Variants in DOK6 observed in about 807,000 individuals in gnomAD.
DOK6 encodes the protein docking protein 6.
DOK6 carries 22 observed loss-of-function variants against 44.0 expected under a neutral mutation model. The ratio of observed to expected loss-of-function variants is 0.50; its 90% CI spans 0.36 to 0.71. The LOEUF (loss-of-function observed/expected upper bound fraction) is 0.71, where lower values mean the gene tolerates loss of function less well. Among genes scored for constraint, DOK6 ranks in the 30% least tolerant of loss-of-function variants. The pLI, the probability that DOK6 is intolerant of heterozygous loss-of-function variation, is 0.00. For missense variants in DOK6, 340 were observed against 416.4 expected (o/e 0.82, Z 1.60); for synonymous variants, 166 against 145.5 (o/e 1.14, Z -1.01).
At chr18:69,700,206 C>CATATATATAAATATAT in intron 5 of DOK6, among the ~76,000 whole-genome samples, 1 of 72,138 alleles carries the variant, frequency 1.4e-5, no homozygotes, top group East Asian at 1.1e-3. Context: ...GTTAGTTTTA[C>CATATATATAAATATAT]ATATATATAC....
chr18:69,639,081 T>C (rs113284890), intron 3 of DOK6, among the ~76,000 whole-genome samples: 1 of 152,168 alleles, frequency 6.6e-6, no homozygotes, highest in Non-Finnish European at 1.5e-5. Context: ...AAATCTCAAA[T>C]TATGTGTTCT....
chr18:69,618,567 T>C (rs543878409), intron 3 of DOK6: 3 of 155,014 alleles, frequency 1.9e-5, no homozygotes, highest in African/African-American at 4.8e-5. Flanking sequence ...TGGAGAGGCC[T>C]CAAAATCATG....
At chr18:69,665,470 AG>A (rs1985632664) in intron 3 of DOK6, among the ~76,000 whole-genome samples, 1 of 152,156 alleles carries the variant, frequency 6.6e-6, no homozygotes, top group African/African-American at 2.4e-5. Flanking sequence ...TTATTTGATT[AG>A]GTAGTAATTT....
intron 5 of DOK6, among the ~76,000 whole-genome samples, chr18:69,708,086 G>A (rs1986675416): frequency 6.6e-6 from 1 of 152,104 alleles, no homozygotes; most frequent in Non-Finnish European, 1.5e-5. Context: ...GTCAGATAAA[G>A]CTCAAAACCA....
chr18:69,548,175 G>C (rs895645734), intron 1 of DOK6, among the ~76,000 whole-genome samples: 1 of 150,598 alleles, frequency 6.6e-6, no homozygotes, highest in Non-Finnish European at 1.5e-5. Context: ...GGATGGTCTC[G>C]ATCTCCTGAC....
At chr18:69,676,061 CCT>C (rs1435696240) in intron 3 of DOK6, among the ~76,000 whole-genome samples, 44 of 152,320 alleles carry the variant, frequency 2.9e-4, no homozygotes, top group African/African-American at 1.1e-3. Context: ...TAATCCCAGG[CCT>C]CTGACTCCAC....
chr18:69,518,619 T>C (rs1981600081), intron 1 of DOK6, among the ~76,000 whole-genome samples: 2 of 152,168 alleles, frequency 1.3e-5, no homozygotes, highest in South Asian at 2.1e-4. Context: ...AGATGGTAAC[T>C]GTGGGATATG....
At chr18:69,540,317 T>C (rs992123928) in intron 1 of DOK6, among the ~76,000 whole-genome samples, 1 of 152,246 alleles carries the variant, frequency 6.6e-6, no homozygotes, top group African/African-American at 2.4e-5. Flanking sequence ...GCCATTGCCA[T>C]ACTGTTTTAA....
chr18:69,569,853 A>T (rs934569000), intron 2 of DOK6, among the ~76,000 whole-genome samples: 2 of 152,174 alleles, frequency 1.3e-5, no homozygotes, highest in African/African-American at 4.8e-5. Flanking sequence ...GTACATATGG[A>T]TACTATGTGG....
At chr18:69,714,719 G>T (rs1004286778) in intron 5 of DOK6, among the ~76,000 whole-genome samples, 2 of 152,162 alleles carry the variant, frequency 1.3e-5, no homozygotes, top group Non-Finnish European at 2.9e-5. Context: ...AAAGAATTTA[G>T]AAGGAAATTT....
chr18:69,700,208 TATATATAC>T (rs1388671416), intron 5 of DOK6, among the ~76,000 whole-genome samples: 6 of 124,262 alleles, frequency 4.8e-5, no homozygotes, highest in Non-Finnish European at 8.5e-5. Flanking sequence ...TAGTTTTACA[TATATATAC>T]ATATATATAT....
intron 7 of DOK6, among the ~76,000 whole-genome samples, chr18:69,811,401 C>T (rs1458149218): frequency 6.6e-6 from 1 of 151,380 alleles, no homozygotes; most frequent in Non-Finnish European, 1.5e-5. Context: ...AACATGATAA[C>T]TATAGTTAAT....
intron 1 of DOK6, among the ~76,000 whole-genome samples, chr18:69,455,251 A>G (rs1050840332): frequency 2.0e-5 from 3 of 152,048 alleles, no homozygotes; most frequent in Admixed American, 2.0e-4. Flanking sequence ...ACAGAACATC[A>G]TGAAAGAAAG....
chr18:69,551,669 G>A (rs1982569054), intron 1 of DOK6, among the ~76,000 whole-genome samples: 1 of 152,106 alleles, frequency 6.6e-6, no homozygotes, highest in Non-Finnish European at 1.5e-5. Flanking sequence ...TCAAAGTAAT[G>A]GAAAGTCTTC....
At chr18:69,807,054 T>C (rs1295088983) in intron 7 of DOK6, among the ~76,000 whole-genome samples, 1 of 151,948 alleles carries the variant, frequency 6.6e-6, no homozygotes, top group Non-Finnish European at 1.5e-5. Flanking sequence ...AATCACAAAA[T>C]GTCAAAGCCT....
intron 1 of DOK6, among the ~76,000 whole-genome samples, chr18:69,411,129 A>T (rs1013783662): frequency 2.0e-5 from 3 of 152,160 alleles, no homozygotes; most frequent in Admixed American, 6.6e-5. Flanking sequence ...AGAGAAAGTG[A>T]CCATCAAGCT....
intron 7 of DOK6, among the ~76,000 whole-genome samples, chr18:69,840,387 T>G (rs894726433): frequency 2.0e-5 from 3 of 152,184 alleles, no homozygotes; most frequent in Non-Finnish European, 2.9e-5. Context: ...AATTGCTGGC[T>G]TAAAAAGGAT....
intron 1 of DOK6, among the ~76,000 whole-genome samples, chr18:69,433,697 A>C (rs1978870444): frequency 6.6e-6 from 1 of 152,178 alleles, no homozygotes; most frequent in African/African-American, 2.4e-5. Flanking sequence ...AAAACAAAAC[A>C]GTTATTCTTC....
intron 1 of DOK6, among the ~76,000 whole-genome samples, chr18:69,482,322 G>T (rs1037408784): frequency 1.1e-4 from 16 of 152,132 alleles, no homozygotes; most frequent in African/African-American, 2.2e-4. Context: ...GAATGGTATT[G>T]CACGTGCACT....
Sources: allele counts gnomAD v4.1 joint callset (sites outside exome capture counted in the v4.1 genomes callset), GRCh38; gene constraint gnomAD v4.1.1; transcripts MANE v1.5; gene names NCBI Gene and HGNC (gene_info 2026-07-23, HGNC 2026-07-21).